MYOF: variants seen among roughly 807,000 people sequenced by gnomAD.
The protein encoded by MYOF is fer-1-like 3, myoferlin.
A neutral mutation model predicts 284.2 loss-of-function variants in MYOF; 244 were observed. That is an observed-to-expected ratio of 0.86 (90% CI 0.77 to 0.95). MYOF has a LOEUF of 0.95. MYOF is among the 40% of genes least tolerant of loss of function. The pLI is 0.00. For missense variants in MYOF, 2,496 were observed against 2,560.6 expected (o/e 0.97, Z 0.54); for synonymous variants, 904 against 919.7 (o/e 0.98, Z 0.31).
intron 36 of MYOF, among the ~76,000 whole-genome samples, chr10:93,349,473 C>T (rs1444816243): frequency 6.6e-6 from 1 of 152,232 alleles, no homozygotes; most frequent in African/African-American, 2.4e-5. Flanking sequence ...GGGGGTATAT[C>T]TGGTCCATGC....
chr10:93,309,886 A>G lies in MYOF; in HGVS notation c.6147+134T>C, dbSNP rs541728764. The G allele has an allele frequency of 2.8e-5, 31 of 1,093,414 alleles. No homozygotes were observed. The African/African-American group carries it at 4.7e-4, about 17-fold the overall frequency. The allele number at this position is 1,093,414 out of a possible 1,614,324, so 67.7% of individuals were successfully genotyped here. ...AAGACACATTACTTTAAATTTCCCC[A>G]AAGCAGAAGGGTTACAACCCCATGC... On this transcript the variant is annotated intron_variant, in intron 53 of 53. Transcript: ENST00000359263.
At chr10:93,403,941 G>A in intron 9 of MYOF, 82 bp downstream of exon 9, 1 of 1,455,394 alleles carries the variant, frequency 6.9e-7, no homozygotes, top group Non-Finnish European at 9.6e-7. Flanking sequence ...ATGCCACCAA[G>A]ATGCGTACAT....
intron 9 of MYOF, among the ~76,000 whole-genome samples, chr10:93,403,275 TCTCCTC>T (rs1232204499): frequency 6.6e-6 from 1 of 152,122 alleles, no homozygotes; most frequent in African/African-American, 2.4e-5. Flanking sequence ...TCCTCCTCCT[TCTCCTC>T]CAGCTAATGC....
chr10:93,395,673 T>G (rs1846969894), intron 16 of MYOF, among the ~76,000 whole-genome samples: 1 of 151,686 alleles, frequency 6.6e-6, no homozygotes, highest in Non-Finnish European at 1.5e-5. Flanking sequence ...TCTTAGGGAG[T>G]GAGGACTACA....
intron 1 of MYOF, among the ~76,000 whole-genome samples, chr10:93,465,538 C>CTTTTCTTTTTT (rs1316526970): frequency 4.7e-4 from 53 of 112,126 alleles, no homozygotes; most frequent in South Asian, 1.6e-3. Flanking sequence ...TTTTTCTTTT[C>CTTTTCTTTTTT]TTTTTTTTTT....
In MYOF at chr10:93,310,550, TG is replaced by T. The variant is rs768381121; in HGVS notation, c.5982del (p.Lys1995SerfsTer22). ...GKGRDEPNMN[P>X]KLDLPNRPET... is the part of the protein sequence containing the mutation. ...GCCTCTCACTTTGGTAAGTCCAGCT[TG>T]GGGTTCATGTTGGGTTCGTCCCGCC... On this transcript the variant is annotated frameshift_variant, in exon 52 of 54. Coordinates refer to ENST00000359263, the MANE Select transcript of MYOF (RefSeq NM_013451.4). LOFTEE classifies it high-confidence loss of function. 1 of 1,614,110 alleles carries T rather than the reference TG, an allele frequency of 6.2e-7. No individual in the cohort carries two copies. The highest frequency in any genetic ancestry group is 8.5e-7 in the Non-Finnish European group (1 of 1,180,014).
chr10:93,394,171 G>A (rs1253254161), intron 16 of MYOF, among the ~76,000 whole-genome samples: 5 of 152,010 alleles, frequency 3.3e-5, no homozygotes, highest in Middle Eastern at 6.8e-3. Flanking sequence ...GTGCAATCTC[G>A]GCTCACTGCA....
intron 40 of MYOF, among the ~76,000 whole-genome samples, chr10:93,337,309 G>A (rs1843660692): frequency 1.3e-5 from 2 of 151,914 alleles, no homozygotes; most frequent in African/African-American, 4.8e-5. Flanking sequence ...TGAACAGAAA[G>A]CTCAGAGCTA....
At position 93,371,116 on chromosome 10, in the gene MYOF, A is replaced by G. The variant is rs186746262; in HGVS notation, c.2458-1340T>C. ...TGTGTCATAACTCAGTGATCTACAT[A>G]ACTCAGTGAATTTTCCAAATGATTG... On this transcript the variant is annotated intron_variant, in intron 24 of 53. Coordinates refer to ENST00000359263, the MANE Select transcript of MYOF (RefSeq NM_013451.4). Among the ~76,000 whole-genome samples, 4 of 152,356 alleles carry G rather than the reference A, an allele frequency of 2.6e-5. No homozygotes were observed. The East Asian group carries it at 7.7e-4, about 29-fold the overall frequency.
intron 43 of MYOF, among the ~76,000 whole-genome samples, chr10:93,331,290 T>C (rs1201462469): frequency 1.3e-5 from 2 of 152,092 alleles, no homozygotes; most frequent in Non-Finnish European, 2.9e-5. Context: ...ACTGAGGCCA[T>C]GGACTGGAGC....
At chr10:93,330,798 G>A (rs372873659) in intron 43 of MYOF, among the ~76,000 whole-genome samples, 6 of 152,322 alleles carry the variant, frequency 3.9e-5, no homozygotes, top group Non-Finnish European at 5.9e-5. Flanking sequence ...GCACTCTGGT[G>A]TGTGGACTGG....
intron 5 of MYOF, among the ~76,000 whole-genome samples, chr10:93,424,502 T>C (rs1848495961): frequency 6.6e-6 from 1 of 152,072 alleles, no homozygotes; most frequent in Admixed American, 6.6e-5. Flanking sequence ...GAGCCATGGA[T>C]GTTCTTGAGC....
At chr10:93,402,395 T>G (rs1369458203) in intron 10 of MYOF, 48 bp from the exon 11 acceptor site, 6 of 1,425,430 alleles carry the variant, frequency 4.2e-6, no homozygotes, top group Admixed American at 3.4e-5. Flanking sequence ...AAAAAGGTAC[T>G]GATAAGTCTG....
intron 3 of MYOF, among the ~76,000 whole-genome samples, chr10:93,443,115 C>T (rs788095): frequency 2.2e-4 from 33 of 152,146 alleles, no homozygotes; most frequent in African/African-American, 7.7e-4. Flanking sequence ...AAGCTGAGAT[C>T]GTGCCACTGC....
At chr10:93,452,181 G>T in intron 2 of MYOF, 40 bp from the exon 3 acceptor site, 1 of 1,383,686 alleles carries the variant, frequency 7.2e-7, no homozygotes, top group Non-Finnish European at 1.0e-6. Context: ...AAAAAAAAAG[G>T]CTGTTAGAAG....
intron 3 of MYOF, among the ~76,000 whole-genome samples, chr10:93,442,362 T>C (rs1029831802): frequency 1.3e-5 from 2 of 152,212 alleles, no homozygotes; most frequent in African/African-American, 4.8e-5. Context: ...ATTTGCCCTA[T>C]ATCTACTATT....
At position 93,423,779 on chromosome 10, in the gene MYOF, G is replaced by A. The variant is rs189924805; in HGVS notation, c.433+2292C>T. ...ACCCTGGAGGCGGAGCTTGCAGTGA[G>A]CCGAGATCGTGCCACTGCACTCCAG... On this transcript the variant is annotated intron_variant, in intron 5 of 53. Transcript: ENST00000359263. 8.0e-4 allele frequency among the ~76,000 whole-genome samples: 121 copies of A among 151,502 alleles called. 1 individual carries two copies. In the East Asian group the frequency reaches 0.022, roughly 27 times the overall value.
chr10:93,427,682 T>TA (rs1483720913), intron 4 of MYOF, among the ~76,000 whole-genome samples: 2 of 152,080 alleles, frequency 1.3e-5, no homozygotes, highest in Non-Finnish European at 2.9e-5. Context: ...TTCTGTTGCA[T>TA]AATCTGTGAC....
rs769515731 is a variant in MYOF, at chr10:93,329,718, T to C, written c.4928A>G (p.Asn1643Ser). 1.2e-5 allele frequency: 19 copies of C among 1,614,052 alleles called. No individual in the cohort carries two copies. Among genetic ancestry groups the C allele is most frequent in the Non-Finnish European group, 1.5e-5 (18 of 1,180,040 alleles). Residue 1643 changes from asparagine (N) to serine (S), a missense_variant, in exon 44 of 54, where the codon AAC becomes AGC. Around this residue, in one of 3 missense-constraint regions of MYOF, gnomAD observed 2,436 missense variants for 2,480.7 expected, o/e 0.98. Transcript: ENST00000359263. ...KVGETIIDLE[N>S]RFLSRFGSHC... ...GGACCCAAAGCGGGAAAGGAATCGG[T>C]TTTCCAGATCAATAATTGTTTCTCC...
Sources: allele counts gnomAD v4.1 joint callset (sites outside exome capture counted in the v4.1 genomes callset), GRCh38; gene constraint gnomAD v4.1.1; regional missense constraint gnomAD v4.1.1; transcripts MANE v1.5; gene names NCBI Gene and HGNC (gene_info 2026-07-23, HGNC 2026-07-21).